Variants in ARID5B observed in about 807,000 individuals in gnomAD.
ARID5B encodes AT-rich interactive domain-containing protein 5B.
ARID5B carries 13 observed loss-of-function variants against 97.2 expected under a neutral mutation model. The ratio of observed to expected loss-of-function variants is 0.13; its 90% confidence interval spans 0.09 to 0.21. ARID5B has a LOEUF of 0.21. Among genes scored for constraint, ARID5B ranks in the 10% least tolerant of loss-of-function variants. ARID5B has a pLI of 1.00. For synonymous variants in ARID5B, 556 were observed against 570.3 expected (o/e 0.97, Z 0.36); for missense variants, 1,210 against 1,465.3 (o/e 0.83, Z 2.84).
intron 2 of ARID5B, among the ~76,000 whole-genome samples, chr10:61,906,685 TC>T (rs1464320043): frequency 2.0e-5 from 3 of 152,202 alleles, no homozygotes. Flanking sequence ...ATCACCAGCC[TC>T]ACTACTGAAT....
intron 8 of ARID5B, among the ~76,000 whole-genome samples, chr10:62,085,181 G>A (rs1253616268): frequency 1.3e-5 from 2 of 152,170 alleles, no homozygotes; most frequent in African/African-American, 2.4e-5. Context: ...ATACTCCATA[G>A]GGATATTGTG....
At chr10:61,948,380 A>ATTTTTTTTTT (rs71470784) in intron 3 of ARID5B, among the ~76,000 whole-genome samples, 2,934 of 85,854 alleles carry the variant, frequency 0.034, 196 homozygotes, top group Non-Finnish European at 0.04. Flanking sequence ...ACTTTAGGTA[A>ATTTTTTTTTT]TTTTTTTTTT....
At chr10:62,032,658 T>C (rs1411117701) in intron 4 of ARID5B, among the ~76,000 whole-genome samples, 2 of 152,118 alleles carry the variant, frequency 1.3e-5, no homozygotes, top group Non-Finnish European at 2.9e-5. Flanking sequence ...GAGGTTGCAG[T>C]GAGCCAAGAT....
At chr10:62,047,002 CTG>C (rs10569497) in intron 4 of ARID5B, 15,587 of 150,346 alleles carry the variant, frequency 0.1, 973 homozygotes, top group Admixed American at 0.2. Context: ...GTGTGTGTGT[CTG>C]TGTGTGTGTG....
intron 2 of ARID5B, among the ~76,000 whole-genome samples, chr10:61,932,506 G>A (rs958059530): frequency 6.6e-6 from 1 of 151,456 alleles, no homozygotes; most frequent in African/African-American, 2.4e-5. Context: ...GACTTCCCAG[G>A]CTCAAGTGAT....
At chr10:62,081,053 T>C (rs1840207327) in intron 8 of ARID5B, among the ~76,000 whole-genome samples, 1 of 152,176 alleles carries the variant, frequency 6.6e-6, no homozygotes, top group South Asian at 2.1e-4. Context: ...TCCGACTGCC[T>C]CCGCCTGCCA....
chr10:62,034,732 T>G (rs919023558), intron 4 of ARID5B, among the ~76,000 whole-genome samples: 1 of 152,274 alleles, frequency 6.6e-6, no homozygotes, highest in Non-Finnish European at 1.5e-5. Context: ...AACTTTGAAC[T>G]GCAGATCAAT....
intron 2 of ARID5B, among the ~76,000 whole-genome samples, chr10:61,903,006 C>A (rs997555054): frequency 2.0e-5 from 3 of 152,008 alleles, no homozygotes; most frequent in Admixed American, 1.3e-4. Context: ...GCAGATCTGC[C>A]CGGGCGGATT....
chr10:62,012,471 C>A (rs967745082), intron 4 of ARID5B, among the ~76,000 whole-genome samples: 11 of 152,170 alleles, frequency 7.2e-5, no homozygotes, highest in Non-Finnish European at 1.6e-4. Flanking sequence ...TTGCAGTGAG[C>A]CAAGATCACA....
At chr10:61,952,687 G>A (rs1457545178) in intron 3 of ARID5B, among the ~76,000 whole-genome samples, 3 of 152,168 alleles carry the variant, frequency 2.0e-5, no homozygotes, top group African/African-American at 4.8e-5. Flanking sequence ...TTGGTACCCT[G>A]TAGAAGCAGC....
intron 4 of ARID5B, among the ~76,000 whole-genome samples, chr10:62,032,968 C>T (rs1839516304): frequency 6.6e-6 from 1 of 152,170 alleles, no homozygotes; most frequent in South Asian, 2.1e-4. Context: ...AACGCGAGAG[C>T]AAAAGCCTTC....
chr10:62,021,666 C>T (rs1490058796), intron 4 of ARID5B, among the ~76,000 whole-genome samples: 1 of 152,150 alleles, frequency 6.6e-6, no homozygotes, highest in Non-Finnish European at 1.5e-5. Context: ...GTAATGTGGT[C>T]GTGTGACAAT....
intron 3 of ARID5B, among the ~76,000 whole-genome samples, chr10:61,987,033 G>A (rs1020925203): frequency 6.6e-6 from 1 of 152,210 alleles, no homozygotes; most frequent in African/African-American, 2.4e-5. Flanking sequence ...GGAAGACATA[G>A]TGCTACCTGG....
rs1840447283 is a variant in ARID5B, at chr10:62,095,013, T to G, written c.*1983T>G. 1 of 230,124 alleles carries G rather than the reference T, an allele frequency of 4.3e-6. No individual in the cohort carries two copies. Among genetic ancestry groups the G allele is most frequent in the South Asian group, 1.8e-4 (1 of 5,506 alleles). The allele number at this position is 230,124 out of a possible 1,614,324, so 14.3% of individuals were successfully genotyped here. A position where few individuals can be genotyped will look rare whatever the true frequency, so the allele number is the denominator to read the frequency against. On this transcript the variant is annotated 3_prime_UTR_variant, in exon 10 of 10. Coordinates refer to ENST00000279873, the MANE Select transcript of ARID5B (RefSeq NM_032199.3). ...AGCCAAATATTCAATGTAACATACTTAATATCCAAAGGTGGAAACAAAAGA... is the reference window on the plus strand; with the variant it reads ...AGCCAAATATTCAATGTAACATACTGAATATCCAAAGGTGGAAACAAAAGA...
intron 2 of ARID5B, among the ~76,000 whole-genome samples, chr10:61,936,548 G>A (rs917454718): frequency 6.6e-6 from 1 of 152,188 alleles, no homozygotes; most frequent in Non-Finnish European, 1.5e-5. Flanking sequence ...AACCTGAGAG[G>A]CAGAGGTTGC....
intron 4 of ARID5B, among the ~76,000 whole-genome samples, chr10:62,016,970 T>C (rs955832685): frequency 6.6e-6 from 1 of 152,216 alleles, no homozygotes; most frequent in African/African-American, 2.4e-5. Flanking sequence ...AGATTCTTAC[T>C]AGTCTGAAAA....
At chr10:62,066,877 G>A (rs748010950) in intron 7 of ARID5B, among the ~76,000 whole-genome samples, 3 of 152,112 alleles carry the variant, frequency 2.0e-5, no homozygotes, top group Non-Finnish European at 2.9e-5. Context: ...GTGTTCACTC[G>A]TTGATTGTGG....
At chr10:62,050,840 A>G (rs1162750449) in intron 4 of ARID5B, 48 bp from the exon 5 acceptor site, 1 of 1,502,764 alleles carries the variant, frequency 6.7e-7, no homozygotes, top group African/African-American at 1.4e-5. Flanking sequence ...TAATAAAGAA[A>G]CCCATGCAAG....
At chr10:61,903,833 C>G (rs553205940) in intron 2 of ARID5B, among the ~76,000 whole-genome samples, 1 of 151,992 alleles carries the variant, frequency 6.6e-6, no homozygotes, top group Non-Finnish European at 1.5e-5. Context: ...TTCGTCGAAA[C>G]GTTCGCCCTC....
Sources: gnomAD v4.1 joint callset for allele counts (sites outside exome capture counted in the v4.1 genomes callset) on GRCh38, gnomAD v4.1.1 for gene constraint, MANE v1.5 for transcripts, NCBI Gene and HGNC (gene_info 2026-07-23, HGNC 2026-07-21) for gene names.